DTL: variants seen among roughly 807,000 people sequenced by gnomAD.
The protein encoded by DTL is denticleless E3 ubiquitin protein ligase adapter.
DTL carries 46 observed loss-of-function variants against 87.0 expected under a neutral mutation model. The observed-to-expected ratio is 0.53, with a 90% CI of 0.42 to 0.68. The LOEUF is 0.68. Ranked by LOEUF, DTL falls within the 30% of genes least tolerant of loss-of-function variation. DTL has a pLI of 0.00. For missense variants in DTL, 737 were observed against 869.4 expected, an observed-to-expected ratio of 0.85 and a Z score of 1.91; for synonymous variants, 308 against 311.2, an observed-to-expected ratio of 0.99 and a Z score of 0.11.
At chr1:212,089,371 AAAAGAGCAAATGG>A (rs1289360613) in intron 13 of DTL, among the ~76,000 whole-genome samples, 17 of 152,342 alleles carry the variant, frequency 1.1e-4, no homozygotes, top group African/African-American at 4.1e-4. Flanking sequence ...ACGTAAAAAT[AAAAGAGCAAATGG>A]CAGAACATGT....
At chr1:212,036,085 G>T in intron 1 of DTL, 143 bp downstream of exon 1, 1 of 724,360 alleles carries the variant, frequency 1.4e-6, no homozygotes, top group South Asian at 1.7e-5. Flanking sequence ...TGTTAGCAGG[G>T]ACTACTAAAG....
In DTL at chr1:212,080,729, A is replaced by G; in HGVS notation, c.1240A>G (p.Lys414Glu). ...GGTGGGTTGGGCCTCTCAGAAGAAA[A>G]AAGAGTCAAGACCTGGCCTAGGTAA... is the stretch of plus-strand genomic sequence containing the variant. The part of the protein sequence containing the change: ...STVGWASQKK[K>E]ESRPGLVTVT... The change falls in exon 13 of 15, where the codon AAA becomes GAA. Residue 414 changes from lysine to glutamate, a missense_variant. Transcript: ENST00000366991. 2 of 1,613,650 alleles carry G rather than the reference A, an allele frequency of 1.2e-6. No individual in the cohort carries two copies. Among genetic ancestry groups the G allele is most frequent in the African/African-American group, 1.3e-5 (1 of 75,030 alleles).
At chr1:212,099,820 A>C (rs779016601) in intron 13 of DTL, 17 of 155,438 alleles carry the variant, frequency 1.1e-4, no homozygotes, top group Non-Finnish European at 2.0e-4. Context: ...TCACTATGTG[A>C]GTCTCCACAT....
intron 14 of DTL, among the ~76,000 whole-genome samples, chr1:212,102,229 G>T (rs1655645102): frequency 6.6e-6 from 1 of 152,104 alleles, no homozygotes; most frequent in South Asian, 2.1e-4. Flanking sequence ...CAGTTATAAG[G>T]AATCTTTCCT....
chr1:212,093,034 A>G (rs1655331731), intron 13 of DTL, among the ~76,000 whole-genome samples: 1 of 152,014 alleles, frequency 6.6e-6, no homozygotes, highest in South Asian at 2.1e-4. Context: ...GGCCCTGTGT[A>G]TATCTTTTTT....
chr1:212,044,347 G>A (rs1001584193), intron 2 of DTL, among the ~76,000 whole-genome samples: 3 of 152,206 alleles, frequency 2.0e-5, no homozygotes, highest in East Asian at 1.9e-4. Flanking sequence ...GCTCACGCCT[G>A]TAATCCCAGC....
chr1:212,098,325 A>G (rs1227181578), intron 13 of DTL, among the ~76,000 whole-genome samples: 1 of 152,182 alleles, frequency 6.6e-6, no homozygotes, highest in South Asian at 2.1e-4. Flanking sequence ...GTTCTGTTGA[A>G]TTGCTGTAAT....
At chr1:212,050,113 G>A (rs1291446623) in intron 5 of DTL, among the ~76,000 whole-genome samples, 1 of 152,158 alleles carries the variant, frequency 6.6e-6, no homozygotes, top group East Asian at 1.9e-4. Context: ...TGCAGCTGTA[G>A]TGAGCTGTGA....
intron 1 of DTL, among the ~76,000 whole-genome samples, chr1:212,038,086 C>G (rs1667539663): frequency 6.6e-6 from 1 of 152,202 alleles, no homozygotes; most frequent in African/African-American, 2.4e-5. Context: ...CACACACACT[C>G]ATTGTCTACT....
At chr1:212,094,104 A>C (rs2102582243) in intron 13 of DTL, among the ~76,000 whole-genome samples, 1 of 152,084 alleles carries the variant, frequency 6.6e-6, no homozygotes, top group Non-Finnish European at 1.5e-5. Context: ...TTTTTCGTTT[A>C]ATTAAGTCCC....
chr1:212,041,674 T>A (rs1667649417), intron 1 of DTL, among the ~76,000 whole-genome samples: 1 of 152,036 alleles, frequency 6.6e-6, no homozygotes, highest in African/African-American at 2.4e-5. Context: ...CTGGCTAATT[T>A]TTTTTTTATG....
At chr1:212,080,532 A>G (rs1654959198) in intron 12 of DTL, 83 bp from the exon 13 acceptor site, 2 of 1,270,042 alleles carry the variant, frequency 1.6e-6, no homozygotes, top group South Asian at 3.0e-5. Flanking sequence ...TCCAGTCACA[A>G]GGCCTTAAGA....
At chr1:212,056,026 G>A (rs907268713) in intron 5 of DTL, among the ~76,000 whole-genome samples, 4 of 152,136 alleles carry the variant, frequency 2.6e-5, no homozygotes, top group African/African-American at 9.7e-5. Context: ...CACAGCCACC[G>A]CCAACACTAG....
rs370547882 is a variant in DTL at position 212,051,442 on chromosome 1, C to A, written c.460+4025C>A. 12 of 197,204 alleles carry A rather than the reference C, an allele frequency of 6.1e-5. No individual in the cohort carries two copies. The Admixed American group carries it at 6.3e-4, about 10-fold the overall frequency. The allele number at this position is 197,204 out of a possible 1,614,324, so 12.2% of individuals were successfully genotyped here. A position where few individuals can be genotyped will look rare whatever the true frequency, so the allele number is the denominator to read the frequency against. ...GGACATTTTTGTTGGATATGAAATT[C>A]TTTTTTTTTTTTTTTTTTTTTTTTT... On this transcript the variant is annotated intron_variant, in intron 5 of 14. Transcript: ENST00000366991.
chr1:212,040,791 CAG>C (rs1667616597), intron 1 of DTL, among the ~76,000 whole-genome samples: 1 of 152,202 alleles, frequency 6.6e-6, no homozygotes, highest in African/African-American at 2.4e-5. Flanking sequence ...ACTCTGGACA[CAG>C]GGATGATTCA....
chr1:212,050,731 T>G (rs1164105055), intron 5 of DTL, among the ~76,000 whole-genome samples: 1 of 63,374 alleles, frequency 1.6e-5, no homozygotes, highest in East Asian at 3.3e-4. Context: ...AGAAGATATT[T>G]GGCCTATTTT....
Position 212,035,865 on chromosome 1 carries a change from C to G in DTL, c.-26C>G, listed in dbSNP as rs1667430229. 1 of 1,613,460 alleles carries G rather than the reference C, an allele frequency of 6.2e-7. No homozygotes were observed. The highest frequency in any genetic ancestry group is 1.7e-5 in the Admixed American group (1 of 60,010). On this transcript the variant is annotated 5_prime_UTR_variant, in exon 1 of 15. Transcript: ENST00000366991. The stretch of plus-strand genomic sequence containing the variant: ...GGAGGCATTTCTACGACTTTTCTCT[C>G]AGCTGAGGCTTTTCCTCCGACCCTG...
chr1:212,104,019 TAC>T lies in DTL; in HGVS notation c.*1081_*1082del, dbSNP rs1295446464. The T allele has an allele frequency of 1.3e-5, 2 of 152,190 alleles. No homozygotes were observed. Among genetic ancestry groups the T allele is most frequent in the African/African-American group, 2.4e-5 (1 of 41,456 alleles). The allele number at this position is 152,190 out of a possible 1,614,324, so 9.4% of individuals were successfully genotyped here. On this transcript the variant is annotated 3_prime_UTR_variant, in exon 15 of 15. Transcript: ENST00000366991. The stretch of plus-strand genomic sequence containing the variant: ...AATAGAATTTTCTCTAGATATTTAA[TAC>T]AGAGAGTGTATAGACTGACTCTAAG...
intron 5 of DTL, among the ~76,000 whole-genome samples, chr1:212,050,603 A>G (rs574031857): frequency 6.6e-6 from 1 of 152,284 alleles, no homozygotes; most frequent in East Asian, 1.9e-4. Flanking sequence ...AGGGATTTCA[A>G]TGTGTAGCTA....
Sources: gnomAD v4.1 joint callset for allele counts (sites outside exome capture counted in the v4.1 genomes callset) on GRCh38, gnomAD v4.1.1 for gene constraint, MANE v1.5 for transcripts, NCBI Gene and HGNC (gene_info 2026-07-23, HGNC 2026-07-21) for gene names.